NOL10: variants seen among roughly 807,000 people sequenced by gnomAD.
NOL10 encodes the protein H_NH0074G24.1.
In NOL10, 58 loss-of-function variants were observed where a neutral mutation model predicts 103.5. The observed-to-expected ratio is 0.56, with a 90% CI of 0.45 to 0.70. The LOEUF (loss-of-function observed/expected upper bound fraction) is 0.70, where lower values mean the gene tolerates loss of function less well. Ranked by LOEUF, NOL10 falls within the 30% of genes least tolerant of loss-of-function variation. The pLI, the probability that NOL10 is intolerant of heterozygous loss-of-function variation, is 0.00. For missense variants in NOL10, 763 were observed against 807.3 expected (o/e 0.95, Z 0.67); for synonymous variants, 287 against 282.5 (o/e 1.02, Z -0.16).
chr2:10,644,762 T>C (rs983126769), intron 12 of NOL10, among the ~76,000 whole-genome samples: 1 of 152,196 alleles, frequency 6.6e-6, no homozygotes, highest in Non-Finnish European at 1.5e-5. Context: ...GGGATCAGCA[T>C]ATAAGAAAGC....
At chr2:10,645,794 G>A (rs1217956659) in intron 12 of NOL10, among the ~76,000 whole-genome samples, 1 of 152,122 alleles carries the variant, frequency 6.6e-6, no homozygotes, top group East Asian at 1.9e-4. Context: ...CTCCCAACAT[G>A]CTGGGATTAC....
rs1678915504 is a variant in NOL10 at position 10,644,339 on chromosome 2, A to G, written c.1007T>C (p.Met336Thr). Residue 336 changes from methionine to threonine, a missense_variant, in exon 13 of 21, where the codon ATG becomes ACG. By Grantham distance (81) the Met-to-Thr change is moderately conservative. Coordinates refer to ENST00000381685, the MANE Select transcript of NOL10 (RefSeq NM_024894.4). Reference protein sequence around the residue: ...MLLTANETPKMGIYYIPVLGP... With the variant: ...MLLTANETPKTGIYYIPVLGP... ...ACTTACTGGAATGTAATAGATGCCC[A>G]TCTTGGGGGTTTCATTGGCCGTCAG... The G allele has an allele frequency of 1.9e-6, 3 of 1,540,050 alleles. No individual in the cohort carries two copies. The highest frequency in any genetic ancestry group is 2.6e-6 in the Non-Finnish European group (3 of 1,143,442).
At chr2:10,590,289 G>C (rs1675327578) in intron 17 of NOL10, among the ~76,000 whole-genome samples, 1 of 152,064 alleles carries the variant, frequency 6.6e-6, no homozygotes, top group South Asian at 2.1e-4. Flanking sequence ...TTTATTTTTT[G>C]TAGAGATGGG....
chr2:10,587,218 C>CATACAT (rs1558270752), intron 19 of NOL10, among the ~76,000 whole-genome samples: 1 of 42,936 alleles, frequency 2.3e-5, no homozygotes, highest in Non-Finnish European at 4.0e-5. Context: ...TATATATATA[C>CATACAT]ATATATATAC....
intron 3 of NOL10, among the ~76,000 whole-genome samples, chr2:10,678,072 A>G (rs553117480): frequency 6.6e-6 from 1 of 151,560 alleles, no homozygotes; most frequent in East Asian, 2.0e-4. Context: ...TTTTTTAGAG[A>G]CAGGGTCTCG....
At chr2:10,595,968 A>T (rs559090419) in intron 17 of NOL10, among the ~76,000 whole-genome samples, 1 of 151,856 alleles carries the variant, frequency 6.6e-6, no homozygotes, top group African/African-American at 2.4e-5. Flanking sequence ...ACTGTAATTT[A>T]AAAAAAACAA....
At chr2:10,626,246 A>G (rs1677456188) in intron 13 of NOL10, among the ~76,000 whole-genome samples, 1 of 152,182 alleles carries the variant, frequency 6.6e-6, no homozygotes, top group African/African-American at 2.4e-5. Flanking sequence ...ACCAGCATGC[A>G]TGGAGTCAAT....
chr2:10,599,766 A>C lies in NOL10; in HGVS notation c.1422+1087T>G, dbSNP rs1295654157. Among the ~76,000 whole-genome samples, 3 of 152,294 alleles carry C rather than the reference A, an allele frequency of 2.0e-5. No homozygotes were observed. In the East Asian group the frequency reaches 5.8e-4, roughly 29 times the overall value. ...GTCTTGAGTCTGAATCCATTTGGAA[A>C]GCACAGCTCTAAGAATGCCCATATC... On this transcript the variant is annotated intron_variant, in intron 17 of 20. Transcript: ENST00000381685.
At chr2:10,635,042 T>C (rs1399650465) in intron 13 of NOL10, among the ~76,000 whole-genome samples, 2 of 152,202 alleles carry the variant, frequency 1.3e-5, no homozygotes, top group South Asian at 2.1e-4. Context: ...TTTTTGGCTT[T>C]TGGAACATTT....
At chr2:10,638,194 G>T (rs1181442472) in intron 13 of NOL10, among the ~76,000 whole-genome samples, 2 of 152,098 alleles carry the variant, frequency 1.3e-5, no homozygotes, top group East Asian at 1.9e-4. Context: ...GCTGAGGCGG[G>T]AGGATGCTAG....
At chr2:10,632,453 T>C (rs971369745) in intron 13 of NOL10, among the ~76,000 whole-genome samples, 1 of 152,216 alleles carries the variant, frequency 6.6e-6, no homozygotes, top group African/African-American at 2.4e-5. Context: ...ACAGCTGGTG[T>C]GTAGTTTCCC....
At chr2:10,668,435 C>T (rs898141043) in intron 7 of NOL10, among the ~76,000 whole-genome samples, 1 of 151,952 alleles carries the variant, frequency 6.6e-6, no homozygotes, top group Non-Finnish European at 1.5e-5. Flanking sequence ...TTTTAACTGA[C>T]TTAAAGTTGA....
At chr2:10,595,598 GTTTTTGTT>G (rs1558277573) in intron 17 of NOL10, among the ~76,000 whole-genome samples, 1 of 78,130 alleles carries the variant, frequency 1.3e-5, no homozygotes, top group African/African-American at 4.3e-5. Flanking sequence ...GTTTTGTTTT[GTTTTTGTT>G]TGTTTGTTTG....
At chr2:10,595,418 C>T (rs1675621971) in intron 17 of NOL10, among the ~76,000 whole-genome samples, 1 of 152,084 alleles carries the variant, frequency 6.6e-6, no homozygotes, top group Non-Finnish European at 1.5e-5. Flanking sequence ...GATCCTCCCA[C>T]CTCAGCCTCC....
At chr2:10,669,916 A>G (rs114684284) in intron 6 of NOL10, among the ~76,000 whole-genome samples, 31,000 of 149,210 alleles carry the variant, frequency 0.21, 4,180 homozygotes, top group Non-Finnish European at 0.3. Context: ...TAATAATGAT[A>G]ATAATAATAA....
intron 13 of NOL10, among the ~76,000 whole-genome samples, chr2:10,636,446 A>G (rs1372195287): frequency 7.6e-6 from 1 of 131,324 alleles, no homozygotes; most frequent in Non-Finnish European, 1.7e-5. Flanking sequence ...AAAAAAAAAA[A>G]CACCAAACAA....
In NOL10 at chr2:10,607,201, T is replaced by A; in HGVS notation, c.1137A>T (p.Lys379Asn). 1 of 1,576,170 alleles carries A rather than the reference T, an allele frequency of 6.3e-7. No individual in the cohort carries two copies. Among genetic ancestry groups the A allele is most frequent in the Non-Finnish European group, 8.6e-7 (1 of 1,160,316 alleles). ...TTTTTTTACCTAAATTTTCAAGGTC[T>A]TTCTTGGTGACAAATTTATAATCAT... is the stretch of plus-strand genomic sequence containing the variant. ...VYDDYKFVTK[K>N]DLENLGLTHL... Residue 379 changes from lysine (K) to asparagine (N), a missense_variant, in exon 14 of 21, where the codon AAA (lysine) becomes AAT (asparagine). By Grantham distance (94) the Lys-to-Asn change is moderately conservative. Coordinates refer to ENST00000381685, the MANE Select transcript of NOL10 (RefSeq NM_024894.4).
At position 10,599,862 on chromosome 2, in the gene NOL10, G is replaced by A. The variant is rs116578484; in HGVS notation, c.1422+991C>T. On this transcript the variant is annotated intron_variant, in intron 17 of 20. Transcript: ENST00000381685. ...CGAGCAATCGCCCAAGATTACATAAGCAGTGTGCCAAGAGCTAGGAACAAG... is the reference window on the plus strand; with the variant it reads ...CGAGCAATCGCCCAAGATTACATAAACAGTGTGCCAAGAGCTAGGAACAAG... 6.3e-3 allele frequency among the ~76,000 whole-genome samples: 957 copies of A among 152,174 alleles called. 10 individuals are homozygous for A. The highest frequency in any genetic ancestry group is 0.022 in the African/African-American group (894 of 41,512).
intron 13 of NOL10, among the ~76,000 whole-genome samples, chr2:10,623,331 CCAAA>C (rs1343148140): frequency 3.3e-5 from 5 of 152,104 alleles, no homozygotes; most frequent in Admixed American, 3.3e-4. Flanking sequence ...CAAGCTCTTC[CCAAA>C]CAGACTGAAC....
Sources: gnomAD v4.1 joint callset for allele counts (sites outside exome capture counted in the v4.1 genomes callset) on GRCh38, gnomAD v4.1.1 for gene constraint, MANE v1.5 for transcripts, NCBI Gene and HGNC (gene_info 2026-07-23, HGNC 2026-07-21) for gene names.